The following DYM variants were observed in gnomAD, a reference collection of about 807,000 sequenced individuals.
The protein encoded by DYM is dyggve-Melchior-Clausen syndrome protein.
A neutral mutation model predicts 93.1 loss-of-function variants in DYM; 78 were observed. That is an observed-to-expected ratio of 0.84 (90% CI 0.70 to 1.01). The LOEUF is 1.01. DYM is among the 50% of genes least tolerant of loss of function. DYM has a pLI of 0.00. For missense variants in DYM, 789 were observed against 845.0 expected (o/e 0.93, Z 0.82); for synonymous variants, 321 against 319.7 (o/e 1.00, Z -0.04).
chr18:49,338,880 A>C (rs2063865656), intron 6 of DYM, among the ~76,000 whole-genome samples: 1 of 152,184 alleles, frequency 6.6e-6, no homozygotes, highest in Non-Finnish European at 1.5e-5. Flanking sequence ...CAAACCACAA[A>C]GGCAAAAATT....
At chr18:49,204,042 A>T (rs2092336086) in intron 14 of DYM, among the ~76,000 whole-genome samples, 1 of 151,798 alleles carries the variant, frequency 6.6e-6, no homozygotes, top group African/African-American at 2.4e-5. Flanking sequence ...TATATCTAAA[A>T]CTCTACCTAA....
At chr18:49,442,233 C>T (rs11082752) in intron 1 of DYM, among the ~76,000 whole-genome samples, 25,418 of 152,030 alleles carry the variant, frequency 0.17, 2,837 homozygotes, top group East Asian at 0.33. Context: ...GTGAGTAAAG[C>T]CTCCAGCATG....
At chr18:49,289,778 T>TATAC (rs2059980376) in intron 8 of DYM, among the ~76,000 whole-genome samples, 13 of 55,924 alleles carry the variant, frequency 2.3e-4, no homozygotes, top group African/African-American at 1.0e-3. Context: ...TATATACACA[T>TATAC]ATATATATAT....
chr18:49,201,151 C>T (rs1331026995), intron 14 of DYM, among the ~76,000 whole-genome samples: 1 of 152,126 alleles, frequency 6.6e-6, no homozygotes. Flanking sequence ...TAGCACACTC[C>T]TCTTACAGTA....
intron 11 of DYM, among the ~76,000 whole-genome samples, chr18:49,269,957 C>T (rs12605418): frequency 0.08 from 12,182 of 152,164 alleles, 768 homozygotes; most frequent in East Asian, 0.31. Flanking sequence ...TACAGGTGTG[C>T]CTTTTAAAAT....
intron 8 of DYM, among the ~76,000 whole-genome samples, chr18:49,300,765 T>G (rs1472254751): frequency 6.6e-6 from 1 of 152,210 alleles, no homozygotes; most frequent in Non-Finnish European, 1.5e-5. Flanking sequence ...TGGTGAGTCA[T>G]GTTTTCCATA....
At chr18:49,184,440 A>G (rs964129733) in intron 14 of DYM, among the ~76,000 whole-genome samples, 3 of 152,190 alleles carry the variant, frequency 2.0e-5, no homozygotes, top group African/African-American at 7.2e-5. Context: ...GTAGTAGAGA[A>G]GTGCAAACCC....
intron 14 of DYM, among the ~76,000 whole-genome samples, chr18:49,174,721 C>G (rs1377220812): frequency 6.6e-6 from 1 of 152,132 alleles, no homozygotes; most frequent in Non-Finnish European, 1.5e-5. Flanking sequence ...GCTGCTTTTT[C>G]TCTCTGGTTA....
At chr18:49,076,657 G>A (rs139079577) in intron 17 of DYM, among the ~76,000 whole-genome samples, 400 of 152,284 alleles carry the variant, frequency 2.6e-3, no homozygotes, top group African/African-American at 8.8e-3. Context: ...AGAATTCTCC[G>A]TGGGAACACC....
intron 14 of DYM, among the ~76,000 whole-genome samples, chr18:49,172,325 G>A (rs139436298): frequency 6.6e-6 from 1 of 152,288 alleles, no homozygotes; most frequent in East Asian, 1.9e-4. Context: ...GTTTTTGTGT[G>A]AACATATGTT....
At chr18:49,230,861 G>A (rs2093674352) in intron 13 of DYM, among the ~76,000 whole-genome samples, 1 of 152,072 alleles carries the variant, frequency 6.6e-6, no homozygotes, top group Non-Finnish European at 1.5e-5. Context: ...AAGAGATACA[G>A]AACCATGCAG....
intron 13 of DYM, among the ~76,000 whole-genome samples, chr18:49,254,791 T>C (rs753235343): frequency 6.6e-6 from 1 of 152,236 alleles, no homozygotes; most frequent in Admixed American, 6.5e-5. Context: ...GAAATCTTCA[T>C]GAAACCATTA....
At chr18:49,045,804 G>A (rs975418641) in intron 17 of DYM, among the ~76,000 whole-genome samples, 8 of 152,118 alleles carry the variant, frequency 5.3e-5, no homozygotes, top group African/African-American at 1.9e-4. Context: ...TAAGGAGGGG[G>A]TGGGGGAAGA....
chr18:49,350,726 G>GAAAAAAAA (rs72289769), intron 6 of DYM, among the ~76,000 whole-genome samples: 19 of 119,910 alleles, frequency 1.6e-4, no homozygotes, highest in South Asian at 2.7e-4. Context: ...GAAAAAAAAA[G>GAAAAAAAA]AAAAAAAAAA....
At chr18:49,170,703 T>C (rs4559968) in intron 14 of DYM, among the ~76,000 whole-genome samples, 97,608 of 146,952 alleles carry the variant, frequency 0.66, 32,417 homozygotes, top group Non-Finnish European at 0.73. Flanking sequence ...TTCTTGAACC[T>C]GGGAGGCAGA....
At chr18:49,382,758 C>A (rs1313070413) in intron 3 of DYM, among the ~76,000 whole-genome samples, 1 of 152,166 alleles carries the variant, frequency 6.6e-6, no homozygotes, top group Admixed American at 6.5e-5. Context: ...GCTAACTTAC[C>A]TGATGCTAGA....
At chr18:49,084,402 T>C (rs564820979) in intron 17 of DYM, among the ~76,000 whole-genome samples, 1 of 152,306 alleles carries the variant, frequency 6.6e-6, no homozygotes, top group South Asian at 2.1e-4. Context: ...GAGTGTTCCA[T>C]GTGTACTTGA....
chr18:49,278,120 A>G (rs12959942), intron 10 of DYM, among the ~76,000 whole-genome samples: 1 of 152,354 alleles, frequency 6.6e-6, no homozygotes, highest in Admixed American at 6.5e-5. Flanking sequence ...TTATATAAAA[A>G]CCACATTCAG....
chr18:49,233,686 C>T (rs2093776565), intron 13 of DYM, among the ~76,000 whole-genome samples: 1 of 152,176 alleles, frequency 6.6e-6, no homozygotes, highest in African/African-American at 2.4e-5. Context: ...CTTTCTTCTA[C>T]ACTAACAGAT....
Sources: allele counts gnomAD v4.1 joint callset (sites outside exome capture counted in the v4.1 genomes callset), GRCh38; gene constraint gnomAD v4.1.1; transcripts MANE v1.5; gene names NCBI Gene and HGNC (gene_info 2026-07-23, HGNC 2026-07-21).